ANKS1B: variants seen among roughly 807,000 people sequenced by gnomAD.
ANKS1B encodes ankyrin repeat and sterile alpha motif domain-containing protein 1B.
ANKS1B carries 36 observed loss-of-function variants against 148.3 expected under a neutral mutation model. The ratio of observed to expected loss-of-function variants is 0.24; its 90% CI spans 0.19 to 0.32. The LOEUF (loss-of-function observed/expected upper bound fraction) is 0.32, where lower values mean the gene tolerates loss of function less well. Among genes scored for constraint, ANKS1B ranks in the 10% least tolerant of loss-of-function variants. The pLI, the probability that ANKS1B is intolerant of heterozygous loss-of-function variation, is 1.00. For synonymous variants in ANKS1B, 542 were observed against 560.8 expected, an observed-to-expected ratio of 0.97 and a Z score of 0.47; for missense variants, 1,157 against 1,542.6, an observed-to-expected ratio of 0.75 and a Z score of 4.19.
chr12:99,466,108 C>G (rs1368435093), intron 10 of ANKS1B, among the ~76,000 whole-genome samples: 2 of 152,158 alleles, frequency 1.3e-5, no homozygotes, highest in African/African-American at 4.8e-5. Flanking sequence ...ACAGTGCAAT[C>G]AAACTAGAAC....
rs1034399539 is a variant in ANKS1B at position 98,882,533 on chromosome 12, C to T, written c.2779-50397G>A. On this transcript the variant is annotated intron_variant, in intron 17 of 26. Transcript: ENST00000683438. ...TCTTAGTGGCAAAGATTAATAACTG[C>T]TTTTTAAAAAGACAAAAACTAGCTT... Among the ~76,000 whole-genome samples, 7 of 152,198 alleles carry T rather than the reference C, an allele frequency of 4.6e-5. No individual in the cohort carries two copies. In the South Asian group the frequency reaches 6.2e-4, roughly 14 times the overall value.
At chr12:98,987,612 A>G (rs936231395) in intron 17 of ANKS1B, among the ~76,000 whole-genome samples, 6 of 152,212 alleles carry the variant, frequency 3.9e-5, no homozygotes, top group African/African-American at 1.4e-4. Flanking sequence ...CTCCAGAGAT[A>G]GCAGGGAGTT....
chr12:99,675,346 T>C, intron 8 of ANKS1B, among the ~76,000 whole-genome samples: 1 of 151,944 alleles, frequency 6.6e-6, no homozygotes, highest in Non-Finnish European at 1.5e-5. Flanking sequence ...TAAATTAGAG[T>C]ATATCTATGT....
chr12:98,992,408 G>T (rs961013032), intron 17 of ANKS1B, among the ~76,000 whole-genome samples: 4 of 152,138 alleles, frequency 2.6e-5, no homozygotes, highest in Non-Finnish European at 5.9e-5. Flanking sequence ...TGTGTCAAGG[G>T]AGGGAGGTGA....
chr12:99,025,328 T>C (rs965666246), intron 17 of ANKS1B, among the ~76,000 whole-genome samples: 2 of 152,178 alleles, frequency 1.3e-5, no homozygotes, highest in Non-Finnish European at 1.5e-5. Context: ...AAAAAAGATA[T>C]GGCAGAAATT....
chr12:99,246,070 T>G (rs983559942), intron 13 of ANKS1B, among the ~76,000 whole-genome samples: 1 of 152,128 alleles, frequency 6.6e-6, no homozygotes, highest in Non-Finnish European at 1.5e-5. Context: ...AACAATAGAT[T>G]AACCCACATG....
intron 7 of ANKS1B, among the ~76,000 whole-genome samples, chr12:99,774,134 G>A (rs557384740): frequency 6.6e-6 from 1 of 152,132 alleles, no homozygotes; most frequent in African/African-American, 2.4e-5. Context: ...GAACACGCAG[G>A]ATTGGATCAA....
At chr12:98,948,387 G>A (rs1403879385) in intron 17 of ANKS1B, among the ~76,000 whole-genome samples, 1 of 152,140 alleles carries the variant, frequency 6.6e-6, no homozygotes, top group Admixed American at 6.5e-5. Context: ...CAAACAGTGG[G>A]GGGACCTTCG....
intron 12 of ANKS1B, among the ~76,000 whole-genome samples, chr12:99,335,527 C>T (rs2088641984): frequency 6.6e-6 from 1 of 151,744 alleles, no homozygotes; most frequent in Non-Finnish European, 1.5e-5. Context: ...CTCTAGTAAC[C>T]ACCATTTTAT....
chr12:98,894,933 CCCGCCGCGCGCCCTCGCACCCG>C, intron 17 of ANKS1B: 5 of 903,622 alleles, frequency 5.5e-6, no homozygotes, highest in Non-Finnish European at 6.6e-6. Flanking sequence ...CCCCCCACCC[CCCGCCGCGCGCCCTCGCACCCG>C]CCCGGCTCCA....
At chr12:99,783,190 C>CAAAAAAAAAAA (rs766608067) in intron 4 of ANKS1B, among the ~76,000 whole-genome samples, 4 of 62,384 alleles carry the variant, frequency 6.4e-5, no homozygotes, top group Non-Finnish European at 6.7e-5. Context: ...GAATCCATCG[C>CAAAAAAAAAAA]AAAAAAAAAA....
intron 9 of ANKS1B, among the ~76,000 whole-genome samples, chr12:99,606,720 C>A (rs1328245741): frequency 6.6e-6 from 1 of 152,094 alleles, no homozygotes; most frequent in African/African-American, 2.4e-5. Flanking sequence ...TAAACTATGA[C>A]AAGTTCATTT....
intron 10 of ANKS1B, among the ~76,000 whole-genome samples, chr12:99,464,708 T>C (rs916394102): frequency 2.6e-5 from 4 of 151,908 alleles, no homozygotes; most frequent in African/African-American, 9.7e-5. Context: ...GAAGATGAAA[T>C]GAATGAAATG....
chr12:99,066,029 G>A (rs1051428477), intron 16 of ANKS1B, among the ~76,000 whole-genome samples: 5 of 152,030 alleles, frequency 3.3e-5, no homozygotes, highest in Non-Finnish European at 7.4e-5. Flanking sequence ...TAAAGACAGT[G>A]GATTGGCTGG....
chr12:99,100,323 T>G (rs981371109), intron 15 of ANKS1B, among the ~76,000 whole-genome samples: 1 of 152,204 alleles, frequency 6.6e-6, no homozygotes, highest in Non-Finnish European at 1.5e-5. Flanking sequence ...GGCTTCTTTA[T>G]TCATTGACTT....
intron 11 of ANKS1B, among the ~76,000 whole-genome samples, chr12:99,436,990 G>C (rs12230011): frequency 0.17 from 25,379 of 151,976 alleles, 2,243 homozygotes; most frequent in Middle Eastern, 0.25. Flanking sequence ...TTTAGGATGA[G>C]GTTTTGGGTT....
At chr12:99,814,969 C>T (rs1263136327) in intron 2 of ANKS1B, among the ~76,000 whole-genome samples, 2 of 151,586 alleles carry the variant, frequency 1.3e-5, no homozygotes, top group African/African-American at 4.8e-5. Flanking sequence ...TAGCCTACTA[C>T]AAAATAGACT....
chr12:99,104,664 G>A (rs909213897), intron 15 of ANKS1B: 2 of 152,192 alleles, frequency 1.3e-5, no homozygotes, highest in South Asian at 4.1e-4. Flanking sequence ...ATTACCTGGA[G>A]TTCCCTGAAG....
At chr12:99,148,290 G>T (rs1467015764) in intron 15 of ANKS1B, among the ~76,000 whole-genome samples, 1 of 152,086 alleles carries the variant, frequency 6.6e-6, no homozygotes, top group Admixed American at 6.6e-5. Flanking sequence ...TTAGTAATGG[G>T]AGTTGTATTA....
Sources: gnomAD v4.1 joint callset for allele counts (sites outside exome capture counted in the v4.1 genomes callset) on GRCh38, gnomAD v4.1.1 for gene constraint, MANE v1.5 for transcripts, NCBI Gene and HGNC (gene_info 2026-07-23, HGNC 2026-07-21) for gene names.